BACH2: variants seen among roughly 807,000 people sequenced by gnomAD.
BACH2 encodes transcription regulator protein BACH2.
A neutral mutation model predicts 61.8 loss-of-function variants in BACH2; 5 were observed. The ratio of observed to expected loss-of-function variants is 0.08; its 90% CI spans 0.04 to 0.17. The LOEUF (loss-of-function observed/expected upper bound fraction) is 0.17. BACH2 is among the 10% of genes least tolerant of loss of function. The pLI is 1.00. For synonymous variants in BACH2, 446 were observed against 440.1 expected, an observed-to-expected ratio of 1.01 and a Z score of -0.17; for missense variants, 824 against 1,091.1, an observed-to-expected ratio of 0.76 and a Z score of 3.45.
chr6:90,138,061 C>G (rs1784337598), intron 4 of BACH2, among the ~76,000 whole-genome samples: 1 of 150,834 alleles, frequency 6.6e-6, no homozygotes, highest in Non-Finnish European at 1.5e-5. Flanking sequence ...AAAACACACA[C>G]ACACACACAC....
At chr6:90,102,623 T>C (rs1254606671) in intron 4 of BACH2, among the ~76,000 whole-genome samples, 1 of 151,768 alleles carries the variant, frequency 6.6e-6, no homozygotes, top group Non-Finnish European at 1.5e-5. Flanking sequence ...ACCCTGTCTC[T>C]ACTAAAAATA....
chr6:90,201,978 T>G (rs1336932944), intron 4 of BACH2, among the ~76,000 whole-genome samples: 1 of 152,260 alleles, frequency 6.6e-6, no homozygotes, highest in African/African-American at 2.4e-5. Flanking sequence ...CTCTGTTAAC[T>G]TGCTCTTTAA....
At chr6:90,056,189 G>C (rs967970991) in intron 5 of BACH2, among the ~76,000 whole-genome samples, 10 of 152,282 alleles carry the variant, frequency 6.6e-5, no homozygotes, top group Admixed American at 4.6e-4. Context: ...ATTGGATAAA[G>C]AGTCAAGACC....
chr6:90,097,714 G>C (rs903682727), intron 4 of BACH2, among the ~76,000 whole-genome samples: 1 of 152,080 alleles, frequency 6.6e-6, no homozygotes, highest in Admixed American at 6.6e-5. Context: ...TTAAGTATAC[G>C]GTTCAGTGGC....
Position 90,224,807 on chromosome 6 carries a change from G to A in BACH2, c.-274-18126C>T, listed in dbSNP as rs756159499. 7.6e-4 allele frequency among the ~76,000 whole-genome samples: 116 copies of A among 152,182 alleles called. 1 individual carries two copies. The highest frequency in any genetic ancestry group is 3.9e-4 in the Admixed American group (6 of 15,282). On this transcript the variant is annotated intron_variant, in intron 3 of 8. Coordinates refer to ENST00000257749, the MANE Select transcript of BACH2 (RefSeq NM_021813.4). ...GGAAGAACAACAATTTGGTGCACCT[G>A]CTATTTTAAGGCTCATCAAGTCATT...
intron 2 of BACH2, among the ~76,000 whole-genome samples, chr6:90,266,784 GA>G (rs935246607): frequency 3.3e-5 from 5 of 152,144 alleles, no homozygotes; most frequent in Admixed American, 6.5e-5. Context: ...GCTTAATGGG[GA>G]CGGAGTTTCC....
At chr6:90,282,539 T>C (rs908525201) in intron 1 of BACH2, among the ~76,000 whole-genome samples, 1 of 152,102 alleles carries the variant, frequency 6.6e-6, no homozygotes, top group African/African-American at 2.4e-5. Flanking sequence ...ACATTTTCTT[T>C]ATCCAGTCTA....
chr6:90,090,522 T>G (rs1782118250), intron 4 of BACH2, among the ~76,000 whole-genome samples: 1 of 152,202 alleles, frequency 6.6e-6, no homozygotes, highest in East Asian at 1.9e-4. Context: ...AACAAAATTC[T>G]AATCAATGAT....
At chr6:89,964,931 G>A (rs1484973282) in intron 6 of BACH2, among the ~76,000 whole-genome samples, 1 of 152,036 alleles carries the variant, frequency 6.6e-6, no homozygotes, top group East Asian at 1.9e-4. Context: ...TGTCACCCAG[G>A]CTGCAATGTA....
intron 5 of BACH2, among the ~76,000 whole-genome samples, chr6:90,025,312 A>AC (rs891925252): frequency 1.4e-4 from 21 of 151,302 alleles, no homozygotes; most frequent in Non-Finnish European, 2.8e-4. Flanking sequence ...CTTTTGTGTA[A>AC]CCCCCCAGTT....
intron 4 of BACH2, among the ~76,000 whole-genome samples, chr6:90,146,200 T>C (rs1445846225): frequency 6.6e-6 from 1 of 152,226 alleles, no homozygotes. Flanking sequence ...TGACCAAAGA[T>C]GACCCGCAGA....
intron 1 of BACH2, among the ~76,000 whole-genome samples, chr6:90,281,807 C>T (rs924941664): frequency 3.3e-5 from 5 of 152,020 alleles, no homozygotes; most frequent in African/African-American, 1.2e-4. Context: ...CAAACATTGA[C>T]TCATTTAAAC....
At chr6:90,038,221 G>A (rs1327112856) in intron 5 of BACH2, among the ~76,000 whole-genome samples, 2 of 152,110 alleles carry the variant, frequency 1.3e-5, no homozygotes, top group African/African-American at 4.8e-5. Flanking sequence ...CCAACCATAA[G>A]GGCACAATCA....
At chr6:90,105,457 C>T (rs1441843342) in intron 4 of BACH2, among the ~76,000 whole-genome samples, 1 of 152,172 alleles carries the variant, frequency 6.6e-6, no homozygotes, top group Admixed American at 6.5e-5. Flanking sequence ...TGTTTATCAG[C>T]AGCTAGTTGA....
chr6:90,212,031 G>A (rs1769372014), intron 3 of BACH2, among the ~76,000 whole-genome samples: 1 of 152,152 alleles, frequency 6.6e-6, no homozygotes, highest in Non-Finnish European at 1.5e-5. Flanking sequence ...CGGCTCTGAA[G>A]TCTAGAAAAA....
intron 8 of BACH2, among the ~76,000 whole-genome samples, chr6:89,934,554 G>A (rs1772889175): frequency 6.6e-6 from 1 of 152,140 alleles, no homozygotes; most frequent in Admixed American, 6.6e-5. Context: ...AGCTACTTAG[G>A]CGGCTGGGAC....
At chr6:90,239,262 T>C (rs1197269579) in intron 3 of BACH2, among the ~76,000 whole-genome samples, 1 of 152,208 alleles carries the variant, frequency 6.6e-6, no homozygotes, top group Non-Finnish European at 1.5e-5. Flanking sequence ...GATTTAGTTT[T>C]CTGTCAGCTG....
At chr6:90,168,957 T>A (rs1430224167) in intron 4 of BACH2, among the ~76,000 whole-genome samples, 1 of 152,200 alleles carries the variant, frequency 6.6e-6, no homozygotes, top group African/African-American at 2.4e-5. Context: ...AGGAATGTAG[T>A]GTGATCTAAT....
At chr6:90,086,139 C>T (rs536632013) in intron 5 of BACH2, among the ~76,000 whole-genome samples, 2 of 152,236 alleles carry the variant, frequency 1.3e-5, no homozygotes, top group East Asian at 3.9e-4. Flanking sequence ...TCCTCCATGT[C>T]GTTAGCATGT....
Sources: gnomAD v4.1 joint callset for allele counts (sites outside exome capture counted in the v4.1 genomes callset) on GRCh38, gnomAD v4.1.1 for gene constraint, MANE v1.5 for transcripts, NCBI Gene and HGNC (gene_info 2026-07-23, HGNC 2026-07-21) for gene names.